The following LGSN variants were observed in gnomAD, a reference collection of about 807,000 sequenced individuals.
The protein encoded by LGSN is lengsin.
A neutral mutation model predicts 19.5 loss-of-function variants in LGSN; 21 were observed. The ratio of observed to expected loss-of-function variants is 1.07; its 90% confidence interval spans 0.76 to 1.55. LGSN has a LOEUF of 1.55. Ranked by LOEUF, LGSN falls within the 40% of genes most tolerant of loss-of-function variation. LGSN has a pLI of 0.00. For synonymous variants in LGSN, 257 were observed against 215.6 expected (o/e 1.19, Z -1.68); for missense variants, 673 against 608.5 (o/e 1.11, Z -1.12).
chr6:63,295,237 G>A (rs535813369), intron 1 of LGSN, among the ~76,000 whole-genome samples, 192 bp from the exon 2 acceptor site: 56 of 152,202 alleles, frequency 3.7e-4, no homozygotes, highest in African/African-American at 1.3e-3. Flanking sequence ...GTGCTGATAG[G>A]CCAGATAGTC....
chr6:63,543,676 G>C, the LGSN span, among the ~76,000 whole-genome samples: 1 of 152,146 alleles, frequency 6.6e-6, no homozygotes, highest in African/African-American at 2.4e-5. Context: ...CCAGTCAAGA[G>C]CCCAATATTT....
chr6:63,371,780 T>C, the LGSN span, among the ~76,000 whole-genome samples: 1 of 152,214 alleles, frequency 6.6e-6, no homozygotes, highest in Non-Finnish European at 1.5e-5. Context: ...AGTTCCTGGA[T>C]TTAGACAATG....
the LGSN span, among the ~76,000 whole-genome samples, chr6:63,531,945 C>T: frequency 6.6e-6 from 1 of 151,994 alleles, no homozygotes; most frequent in African/African-American, 2.4e-5. Flanking sequence ...GAATTACAGG[C>T]ATCCACCACC....
At chr6:63,532,922 A>G in the LGSN span, among the ~76,000 whole-genome samples, 2 of 152,232 alleles carry the variant, frequency 1.3e-5, no homozygotes, top group Admixed American at 1.3e-4. Context: ...AATGTATTGC[A>G]CTAAGGTATT....
chr6:63,549,716 A>C, the LGSN span, among the ~76,000 whole-genome samples: 5 of 152,192 alleles, frequency 3.3e-5, no homozygotes, highest in African/African-American at 9.7e-5. Flanking sequence ...CCTAAAGTTA[A>C]ACACAGATTG....
chr6:63,457,185 T>A, the LGSN span, among the ~76,000 whole-genome samples: 1 of 152,214 alleles, frequency 6.6e-6, no homozygotes, highest in Non-Finnish European at 1.5e-5. Context: ...TATTTTGTCA[T>A]CTTGTAGATA....
chr6:63,445,178 G>A, the LGSN span, among the ~76,000 whole-genome samples: 10 of 152,194 alleles, frequency 6.6e-5, no homozygotes, highest in African/African-American at 2.4e-4. Context: ...GGGTGTGGTG[G>A]CAGGTGCCTG....
intron 1 of LGSN, among the ~76,000 whole-genome samples, chr6:63,302,216 GTA>G (rs1768208363): frequency 6.6e-6 from 1 of 152,062 alleles, no homozygotes; most frequent in African/African-American, 2.4e-5. Flanking sequence ...ATATGTCTTA[GTA>G]TATGTTATCA....
At chr6:63,430,689 A>G in the LGSN span, among the ~76,000 whole-genome samples, 3 of 152,130 alleles carry the variant, frequency 2.0e-5, no homozygotes, top group Non-Finnish European at 4.4e-5. Context: ...CATCCAGCCT[A>G]AAATCGTTTA....
At chr6:63,452,795 C>A in the LGSN span, among the ~76,000 whole-genome samples, 247 of 151,352 alleles carry the variant, frequency 1.6e-3, 6 homozygotes, top group East Asian at 0.045. Context: ...TTATTGATTT[C>A]ATCTCTTATT....
At chr6:63,365,047 C>T in the LGSN span, among the ~76,000 whole-genome samples, 1 of 151,788 alleles carries the variant, frequency 6.6e-6, no homozygotes, top group Non-Finnish European at 1.5e-5. Flanking sequence ...AGAGCAAACA[C>T]ATTCAAAAGC....
chr6:63,490,379 T>C, the LGSN span, among the ~76,000 whole-genome samples: 2 of 152,092 alleles, frequency 1.3e-5, no homozygotes, highest in Admixed American at 1.3e-4. Context: ...TGCCAACAGA[T>C]GATGCCAACC....
At chr6:63,403,996 A>T in the LGSN span, among the ~76,000 whole-genome samples, 1 of 151,906 alleles carries the variant, frequency 6.6e-6, no homozygotes, top group Non-Finnish European at 1.5e-5. Flanking sequence ...CTGGCTTTTA[A>T]GAAGCAAGCC....
chr6:63,412,483 G>GAAGAAAGAAAGAAAGAAAGA, the LGSN span, among the ~76,000 whole-genome samples: 12 of 52,866 alleles, frequency 2.3e-4, no homozygotes, highest in Non-Finnish European at 3.0e-4. Context: ...AGAAGAAAGA[G>GAAGAAAGAAAGAAAGAAAGA]AAGAAAGAAA....
the LGSN span, among the ~76,000 whole-genome samples, chr6:63,475,583 A>G: frequency 1.3e-5 from 2 of 152,234 alleles, no homozygotes; most frequent in Non-Finnish European, 2.9e-5. Context: ...CTAGGCCATT[A>G]AAGAGGTATT....
chr6:63,310,453 T>C (rs190427467), intron 1 of LGSN, among the ~76,000 whole-genome samples: 82 of 152,222 alleles, frequency 5.4e-4, no homozygotes, highest in African/African-American at 1.9e-3. Flanking sequence ...TTATCTCCCA[T>C]TTTTTGTGGT....
At chr6:63,413,187 C>T in the LGSN span, among the ~76,000 whole-genome samples, 11 of 152,004 alleles carry the variant, frequency 7.2e-5, no homozygotes, top group Non-Finnish European at 1.5e-5. Context: ...TATGGATTAT[C>T]ATGGAGATCT....
upstream of LGSN, chr6:63,320,120 A>C: frequency 1.7e-6 from 1 of 583,390 alleles, no homozygotes; most frequent in Non-Finnish European, 3.1e-6. Flanking sequence ...TGTCATGCCC[A>C]AGGCACAGTA....
upstream of LGSN, among the ~76,000 whole-genome samples, chr6:63,320,317 A>G (rs1369941922): frequency 3.3e-5 from 5 of 152,206 alleles, no homozygotes; most frequent in Admixed American, 1.3e-4. Flanking sequence ...TGAAACACTT[A>G]TTAGACGACT....
Sources: gnomAD v4.1 joint callset for allele counts (sites outside exome capture counted in the v4.1 genomes callset) on GRCh38, gnomAD v4.1.1 for gene constraint, MANE v1.5 for transcripts, NCBI Gene and HGNC (gene_info 2026-07-23, HGNC 2026-07-21) for gene names.